Variants in CCDC91 observed in about 807,000 individuals in gnomAD.
CCDC91 encodes coiled-coil domain containing 91.
CCDC91 carries 48 observed loss-of-function variants against 63.2 expected under a neutral mutation model. The observed-to-expected ratio is 0.76, with a 90% CI of 0.60 to 0.97. The LOEUF (loss-of-function observed/expected upper bound fraction) is 0.97, where lower values mean the gene tolerates loss of function less well. Ranked by LOEUF, CCDC91 falls within the 50% of genes least tolerant of loss-of-function variation. The pLI is 0.00. For synonymous variants in CCDC91, 167 were observed against 165.8 expected (o/e 1.01, Z -0.06); for missense variants, 500 against 494.6 (o/e 1.01, Z -0.10).
intron 8 of CCDC91, among the ~76,000 whole-genome samples, chr12:28,433,635 A>G (rs1369884947): frequency 6.6e-6 from 1 of 151,930 alleles, no homozygotes; most frequent in Non-Finnish European, 1.5e-5. Context: ...AAGCCAGGTA[A>G]TGTCAGTCCT....
At chr12:28,274,658 A>C (rs1033030263) in intron 3 of CCDC91, among the ~76,000 whole-genome samples, 2 of 152,100 alleles carry the variant, frequency 1.3e-5, no homozygotes, top group Non-Finnish European at 2.9e-5. Context: ...TTATTGGTGT[A>C]TAAGAATGCT....
intron 6 of CCDC91, among the ~76,000 whole-genome samples, chr12:28,330,719 G>C (rs1941431040): frequency 6.6e-6 from 1 of 152,152 alleles, no homozygotes; most frequent in African/African-American, 2.4e-5. Flanking sequence ...AAGCAACATT[G>C]AGGTGGCTGC....
At chr12:28,419,390 A>C (rs1454690955) in intron 8 of CCDC91, among the ~76,000 whole-genome samples, 3 of 152,166 alleles carry the variant, frequency 2.0e-5, no homozygotes, top group Non-Finnish European at 4.4e-5. Flanking sequence ...TGCAGTACAA[A>C]AATTTTATAT....
intron 6 of CCDC91, among the ~76,000 whole-genome samples, chr12:28,343,504 G>A (rs1462293902): frequency 6.6e-6 from 1 of 152,018 alleles, no homozygotes; most frequent in Non-Finnish European, 1.5e-5. Context: ...GAGAGAGAAA[G>A]GGTGGGGTAA....
rs1171229271 is a variant in CCDC91, at chr12:28,362,609, TG to T, written c.654+95del. On this transcript the variant is annotated intron_variant, in intron 7 of 12. Coordinates refer to ENST00000536442, the MANE Select transcript of CCDC91 (RefSeq NM_018318.5). ...TATGTGCAAACATATACAAATTATA[TG>T]TGTAGTCTTATTTTGCTATAGAATT... 1.7e-5 allele frequency: 11 copies of T among 642,108 alleles called. No homozygotes were observed. In the African/African-American group the frequency reaches 2.1e-4, roughly 12 times the overall value. 39.8% of individuals were successfully genotyped at this position (642,108 alleles called of 1,614,324 possible).
intron 8 of CCDC91, among the ~76,000 whole-genome samples, chr12:28,411,990 C>T (rs1318067226): frequency 6.6e-6 from 1 of 152,150 alleles, no homozygotes; most frequent in African/African-American, 2.4e-5. Context: ...CACATTTCAA[C>T]ATGAGTTTTG....
chr12:28,243,040 T>G (rs1945450687), intron 1 of CCDC91, among the ~76,000 whole-genome samples: 1 of 152,160 alleles, frequency 6.6e-6, no homozygotes, highest in Non-Finnish European at 1.5e-5. Context: ...TGCAGAACCG[T>G]GGGCCAATTA....
intron 7 of CCDC91, among the ~76,000 whole-genome samples, chr12:28,367,734 G>T (rs565369075): frequency 6.6e-6 from 1 of 151,988 alleles, no homozygotes; most frequent in Non-Finnish European, 1.5e-5. Flanking sequence ...ACTGGGCAAT[G>T]GTTTCTAGAT....
intron 6 of CCDC91, 24 bp from the exon 7 acceptor site, chr12:28,362,414 G>C (rs1175428650): frequency 6.6e-7 from 1 of 1,506,284 alleles, no homozygotes; most frequent in East Asian, 2.4e-5. Context: ...AAAACTCATG[G>C]TTTTAGTTTC....
At chr12:28,252,671 A>C (rs576878826) in intron 1 of CCDC91, among the ~76,000 whole-genome samples, 2 of 151,794 alleles carry the variant, frequency 1.3e-5, no homozygotes, top group African/African-American at 4.8e-5. Context: ...TGAAGATACT[A>C]TGGTTTTGTT....
intron 12 of CCDC91, among the ~76,000 whole-genome samples, chr12:28,489,793 G>A (rs1446568014): frequency 1.3e-5 from 2 of 151,718 alleles, no homozygotes. Flanking sequence ...AATATTCTTG[G>A]ATGTTTGCAT....
rs79770482 is a variant in CCDC91, at chr12:28,366,637, G to A, written c.654+4122G>A. Among the ~76,000 whole-genome samples the A allele has an allele frequency of 6.0e-3, 911 of 152,250 alleles. 10 individuals are homozygous for A. Among genetic ancestry groups the A allele is most frequent in the African/African-American group, 0.021 (874 of 41,546 alleles). On this transcript the variant is annotated intron_variant, in intron 7 of 12. Coordinates refer to ENST00000536442, the MANE Select transcript of CCDC91 (RefSeq NM_018318.5). Reference sequence around the variant, plus strand: ...CCCCTTCCTACGAGTGTCGGGATAGGCCATCTAGGAAACTAGACTTCTGCC... The same window carrying A: ...CCCCTTCCTACGAGTGTCGGGATAGACCATCTAGGAAACTAGACTTCTGCC...
chr12:28,509,887 G>T (rs531678955), intron 12 of CCDC91, among the ~76,000 whole-genome samples: 1 of 152,020 alleles, frequency 6.6e-6, no homozygotes, highest in African/African-American at 2.4e-5. Flanking sequence ...TTTTCCCATA[G>T]ATATGAAATC....
At chr12:28,206,406 G>C (rs561477288) in intron 1 of CCDC91, among the ~76,000 whole-genome samples, 1 of 152,232 alleles carries the variant, frequency 6.6e-6, no homozygotes, top group South Asian at 2.1e-4. Context: ...CACTTGAAGA[G>C]AGACCGTTAG....
chr12:28,539,342 A>G (rs148126310), intron 12 of CCDC91, among the ~76,000 whole-genome samples: 2,377 of 152,276 alleles, frequency 0.016, 53 homozygotes, highest in African/African-American at 0.053. Context: ...CAGTTTTCCC[A>G]GCACCATTTA....
intron 1 of CCDC91, among the ~76,000 whole-genome samples, chr12:28,238,242 G>A (rs537290332): frequency 7.2e-5 from 11 of 152,184 alleles, no homozygotes; most frequent in African/African-American, 2.6e-4. Context: ...GAAACAAACA[G>A]CACTATATGA....
chr12:28,396,644 TTGTGTGTG>T (rs1283305556), intron 8 of CCDC91, among the ~76,000 whole-genome samples: 64 of 15,772 alleles, frequency 4.1e-3, no homozygotes, highest in African/African-American at 4.5e-3. Context: ...AAAGGAGATT[TTGTGTGTG>T]TGTGTGTGTG....
intron 3 of CCDC91, among the ~76,000 whole-genome samples, chr12:28,300,176 C>T (rs1226601996): frequency 1.3e-5 from 2 of 151,436 alleles, no homozygotes; most frequent in Non-Finnish European, 3.0e-5. Flanking sequence ...CATGTTTTCT[C>T]CTAGGGTATA....
At chr12:28,328,366 A>G (rs1036975802) in intron 6 of CCDC91, among the ~76,000 whole-genome samples, 3 of 152,182 alleles carry the variant, frequency 2.0e-5, no homozygotes, top group Admixed American at 6.6e-5. Flanking sequence ...CTAGAAAACT[A>G]TAAATTAAAA....
Sources: allele counts gnomAD v4.1 joint callset (sites outside exome capture counted in the v4.1 genomes callset), GRCh38; gene constraint gnomAD v4.1.1; transcripts MANE v1.5; gene names NCBI Gene and HGNC (gene_info 2026-07-23, HGNC 2026-07-21).